The following OR7D4 variants were observed in gnomAD, a reference collection of about 807,000 sequenced individuals.
OR7D4 encodes olfactory receptor family 7 subfamily D member 4, also known as olfactory receptor 7D4.
For synonymous variants in OR7D4, 154 were observed against 158.4 expected (o/e 0.97, Z 0.21); for missense variants, 319 against 377.1 (o/e 0.85, Z 1.27).
rs2051186277 is a variant in OR7D4, at chr19:9,213,561, A to C, written c.*338T>G. Reference sequence around the variant, plus strand: ...CAGACCAGCCTGAACAGTATGGTGGAACCCTGTCTCTACTAAAAATACAAA... The same window carrying C: ...CAGACCAGCCTGAACAGTATGGTGGCACCCTGTCTCTACTAAAAATACAAA... On this transcript the variant is annotated 3_prime_UTR_variant, in exon 2 of 2. Coordinates refer to ENST00000641669, the MANE Select transcript of OR7D4 (RefSeq NM_001005191.3). The C allele has an allele frequency of 7.3e-6, 2 of 272,406 alleles. No homozygotes were observed. Among genetic ancestry groups the C allele is most frequent in the Admixed American group, 9.9e-5 (2 of 20,200 alleles). 16.9% of individuals were successfully genotyped at this position (272,406 alleles called of 1,614,324 possible).
chr19:9,215,017 G>T, intron 1 of OR7D4, 167 bp from the exon 2 acceptor site: 5 of 578,434 alleles, frequency 8.6e-6, no homozygotes, highest in Non-Finnish European at 1.5e-5. Context: ...TTCTATTTGT[G>T]TAGAGTTATC....
chr19:9,213,188 A>G lies in OR7D4; in HGVS notation c.*711T>C, dbSNP rs1360923550. 1 of 152,244 alleles carries G rather than the reference A, an allele frequency of 6.6e-6. No homozygotes were observed. The highest frequency in any genetic ancestry group is 1.5e-5 in the Non-Finnish European group (1 of 68,072). 9.4% of individuals were successfully genotyped at this position (152,244 alleles called of 1,614,324 possible). Reference sequence around the variant, plus strand: ...TATCCAGAGGACAAGAAAAAACTATACTAAGGTGAGGAACATCAACATTCA... The same window carrying G: ...TATCCAGAGGACAAGAAAAAACTATGCTAAGGTGAGGAACATCAACATTCA... On this transcript the variant is annotated 3_prime_UTR_variant, in exon 2 of 2. Transcript: ENST00000641669.
chr19:9,218,039 T>G (rs2051229289), intron 1 of OR7D4, among the ~76,000 whole-genome samples: 3 of 152,220 alleles, frequency 2.0e-5, no homozygotes, highest in African/African-American at 7.2e-5. Flanking sequence ...TTCCTCCTTG[T>G]CCCTTTCACA....
At position 9,214,027 on chromosome 19, in the gene OR7D4, T is replaced by G. The variant is rs536858428; in HGVS notation, c.811A>C (p.Ser271Arg). ...SSAVTHSSQS[S>R]STASVMYAMV... ...GCGTACATCACTGAGGCGGTGGAGC[T>G]GCTCTGGGAAGAATGGGTCACAGCA... Residue 271 changes from serine (S) to arginine (R), a missense_variant, in exon 2 of 2, where the codon AGC becomes CGC. Physicochemically the swap from Ser to Arg is moderately radical, Grantham distance 110. Transcript: ENST00000641669. 6 of 1,614,100 alleles carry G rather than the reference T, an allele frequency of 3.7e-6. No individual in the cohort carries two copies. In the South Asian group the frequency reaches 6.6e-5, roughly 18 times the overall value.
intron 1 of OR7D4, among the ~76,000 whole-genome samples, chr19:9,218,085 C>T (rs929239210): frequency 3.3e-5 from 5 of 152,122 alleles, no homozygotes; most frequent in East Asian, 1.9e-4. Context: ...ACAGTGGTTG[C>T]GATTGTTTTG....
Position 9,213,981 on chromosome 19 carries a change from T to C in OR7D4, c.857A>G (p.Asn286Ser), listed in dbSNP as rs755283477. Residue 286 changes from asparagine (N) to serine (S), a missense_variant, in exon 2 of 2, where the codon AAC becomes AGC. Asn to Ser is a conservative substitution (Grantham distance 46, BLOSUM62 1). Transcript: ENST00000641669. ...VMYAMVTPML[N>S]PFIYSLRNKD... The stretch of plus-strand genomic sequence containing the variant: ...GTTCCTCAGGCTGTAGATGAAGGGG[T>C]TCAGCATGGGGGTGACCATGGCGTA... 1.2e-6 allele frequency: 2 copies of C among 1,613,754 alleles called. No homozygotes were observed. Among genetic ancestry groups the C allele is most frequent in the Non-Finnish European group, 1.7e-6 (2 of 1,179,926 alleles).
Position 9,214,556 on chromosome 19 carries a change from G to A in OR7D4, c.282C>T (p.Tyr94=). 6.2e-7 allele frequency: 1 copy of A among 1,614,170 alleles called. No homozygotes were observed. The highest frequency in any genetic ancestry group is 8.5e-7 in the Non-Finnish European group (1 of 1,180,014). Residue 94 remains tyrosine (Y), a synonymous_variant, in exon 2 of 2, where the codon TAC becomes TAT. Coordinates refer to ENST00000641669, the MANE Select transcript of OR7D4 (RefSeq NM_001005191.3). The part of the protein sequence containing the change: ...SIQARSKDIS[Y]MGCLTQVYFL... Reference sequence around the variant, plus strand: ...AATACACCTGAGTGAGGCACCCCATGTAGGAGATGTCTTTGCTCCGTGCCT... The same window carrying A: ...AATACACCTGAGTGAGGCACCCCATATAGGAGATGTCTTTGCTCCGTGCCT...
At chr19:9,218,423 G>A (rs1272768338) in intron 1 of OR7D4, among the ~76,000 whole-genome samples, 1 of 152,092 alleles carries the variant, frequency 6.6e-6, no homozygotes, top group Non-Finnish European at 1.5e-5. Flanking sequence ...TAGAAAAAAT[G>A]CATTTGAAAA....
At chr19:9,215,303 A>G (rs142817090) in intron 1 of OR7D4, among the ~76,000 whole-genome samples, 4,741 of 139,524 alleles carry the variant, frequency 0.034, 100 homozygotes, top group Non-Finnish European at 0.047. Context: ...AGATCATGGC[A>G]CTGCACTCCA....
At chr19:9,215,188 C>T (rs2051202683) in intron 1 of OR7D4, among the ~76,000 whole-genome samples, 1 of 151,830 alleles carries the variant, frequency 6.6e-6, no homozygotes, top group South Asian at 2.1e-4. Context: ...ACTAAAAATA[C>T]AAAAATCAGC....
At position 9,213,677 on chromosome 19, in the gene OR7D4, G is replaced by A; in HGVS notation, c.*222C>T. The A allele has an allele frequency of 3.9e-6, 2 of 514,116 alleles. No homozygotes were observed. Among genetic ancestry groups the A allele is most frequent in the Admixed American group, 3.4e-5 (1 of 29,762 alleles). The allele number at this position is 514,116 out of a possible 1,614,324, so 31.8% of individuals were successfully genotyped here. ...CGCTTCAACCTGGGAGGTAGAGGTT[G>A]CAGTGAGCCAAGATTGCACCACTGC... On this transcript the variant is annotated 3_prime_UTR_variant, in exon 2 of 2. Coordinates refer to ENST00000641669, the MANE Select transcript of OR7D4 (RefSeq NM_001005191.3).
intron 1 of OR7D4, among the ~76,000 whole-genome samples, chr19:9,216,085 T>C (rs1034008224): frequency 5.3e-5 from 8 of 152,160 alleles, no homozygotes; most frequent in Admixed American, 5.2e-4. Flanking sequence ...TCATGAGACT[T>C]ACTCACTATC....
rs1356301288 is a variant in OR7D4 at position 9,213,412 on chromosome 19, A to G, written c.*487T>C. 6.6e-6 allele frequency: 1 copy of G among 152,074 alleles called. No homozygotes were observed. Among genetic ancestry groups the G allele is most frequent in the Admixed American group, 6.5e-5 (1 of 15,308 alleles). The allele number at this position is 152,074 out of a possible 1,614,324, so 9.4% of individuals were successfully genotyped here. ...CTAACACAAAAACAAAAGCAAAATC[A>G]TAGTTGTTTTTGATTAAAAAAAAAA... On this transcript the variant is annotated 3_prime_UTR_variant, in exon 2 of 2. Transcript: ENST00000641669.
At position 9,214,675 on chromosome 19, in the gene OR7D4, G is replaced by T; in HGVS notation, c.163C>A (p.Leu55Ile). 1 of 1,614,174 alleles carries T rather than the reference G, an allele frequency of 6.2e-7. No individual in the cohort carries two copies. Among genetic ancestry groups the T allele is most frequent in the Non-Finnish European group, 8.5e-7 (1 of 1,180,034 alleles). Residue 55 changes from leucine to isoleucine, a missense_variant, in exon 2 of 2, where the codon CTC becomes ATC. Leu to Ile is a conservative substitution (Grantham distance 5). Transcript: ENST00000641669. The part of the protein sequence containing the change: ...IILAVSSDSH[L>I]HTPMYFFLSN... ...AGGAAGAAGTACATGGGGGTGTGGA[G>T]GTGGGAGTCAGAGCTGACGGCCAGA...
chr19:9,216,295 T>G (rs1417319011), intron 1 of OR7D4, among the ~76,000 whole-genome samples: 1 of 152,202 alleles, frequency 6.6e-6, no homozygotes, highest in Non-Finnish European at 1.5e-5. Flanking sequence ...GTTCTTCTGA[T>G]GAAGAGGTTG....
chr19:9,212,897 T>A lies in OR7D4; in HGVS notation c.*1002A>T, dbSNP rs2051181813. On this transcript the variant is annotated 3_prime_UTR_variant, in exon 2 of 2. Transcript: ENST00000641669. ...CCCTCCAAGTAGCTGGGAAGACAGG[T>A]GTGAGCCACTGTGCCCCGAAAATTT... 1 of 152,080 alleles carries A rather than the reference T, an allele frequency of 6.6e-6. No homozygotes were observed. Among genetic ancestry groups the A allele is most frequent in the Non-Finnish European group, 1.5e-5 (1 of 68,036 alleles). 9.4% of individuals were successfully genotyped at this position (152,080 alleles called of 1,614,324 possible).
Position 9,215,660 on chromosome 19 carries a change from G to A in OR7D4, c.-13-810C>T, listed in dbSNP as rs533357910. Among the ~76,000 whole-genome samples, 3 of 152,100 alleles carry A rather than the reference G, an allele frequency of 2.0e-5. No homozygotes were observed. In the South Asian group the frequency reaches 6.2e-4, roughly 32 times the overall value. On this transcript the variant is annotated intron_variant, in intron 1 of 1. Transcript: ENST00000641669. ...ATTATTGATATTACTTTCTTATTGAGGTTTAAAAATGCCATATGCACGGTA... is the reference window on the plus strand; with the variant it reads ...ATTATTGATATTACTTTCTTATTGAAGTTTAAAAATGCCATATGCACGGTA...
chr19:9,216,874 G>C (rs2051218272), intron 1 of OR7D4, among the ~76,000 whole-genome samples: 1 of 152,334 alleles, frequency 6.6e-6, no homozygotes, highest in African/African-American at 2.4e-5. Flanking sequence ...TTACAGGCAT[G>C]AGCCACTGTG....
In OR7D4 at chr19:9,211,447, A is replaced by T. The variant is rs2051171960; in HGVS notation, c.*2452T>A. 2 of 152,258 alleles carry T rather than the reference A, an allele frequency of 1.3e-5. No individual in the cohort carries two copies. The allele number at this position is 152,258 out of a possible 1,614,324, so 9.4% of individuals were successfully genotyped here. ...AAAGAATTAGGGTCTTATCCAACTT[A>T]GCAAAAACATAAATTACCAATGCAT... On this transcript the variant is annotated 3_prime_UTR_variant, in exon 2 of 2. Transcript: ENST00000641669.
Sources: gnomAD v4.1 joint callset for allele counts (sites outside exome capture counted in the v4.1 genomes callset) on GRCh38, gnomAD v4.1.1 for gene constraint, MANE v1.5 for transcripts, NCBI Gene and HGNC (gene_info 2026-07-23, HGNC 2026-07-21) for gene names.